Variants in MAMDC2 observed in about 807,000 individuals in gnomAD.
The protein encoded by MAMDC2 is MAM domain-containing protein 2.
A neutral mutation model predicts 89.8 loss-of-function variants in MAMDC2; 57 were observed. The observed-to-expected ratio is 0.63, with a 90% CI of 0.51 to 0.79. The LOEUF is 0.79. MAMDC2 is among the 30% of genes least tolerant of loss of function. The pLI, the probability that MAMDC2 is intolerant of heterozygous loss-of-function variation, is 0.00. For synonymous variants in MAMDC2, 313 were observed against 293.4 expected (o/e 1.07, Z -0.68); for missense variants, 800 against 820.6 (o/e 0.97, Z 0.31).
chr9:70,217,400 A>G (rs1288988562), intron 11 of MAMDC2: 1 of 1,333,420 alleles, frequency 7.5e-7, no homozygotes, highest in Non-Finnish European at 1.1e-6. Context: ...GAAATTCAAA[A>G]GAAAAGAACC....
chr9:70,073,911 G>A (rs771936875), intron 2 of MAMDC2, among the ~76,000 whole-genome samples: 10 of 152,184 alleles, frequency 6.6e-5, no homozygotes, highest in Non-Finnish European at 1.5e-4. Context: ...AACTCTGTCT[G>A]CAGCTGTTCA....
intron 11 of MAMDC2, among the ~76,000 whole-genome samples, chr9:70,186,564 C>G (rs1477406438): frequency 6.6e-6 from 1 of 152,102 alleles, no homozygotes; most frequent in Non-Finnish European, 1.5e-5. Flanking sequence ...TTTGAAAGTA[C>G]TATTTTCCTC....
chr9:70,174,230 G>A (rs888251492), intron 11 of MAMDC2, among the ~76,000 whole-genome samples: 22 of 152,160 alleles, frequency 1.4e-4, no homozygotes, highest in African/African-American at 5.3e-4. Context: ...TGTCTACTAT[G>A]TGCCAGGTAC....
chr9:70,176,692 A>G (rs1033398761), intron 11 of MAMDC2, among the ~76,000 whole-genome samples: 2 of 152,148 alleles, frequency 1.3e-5, no homozygotes, highest in Non-Finnish European at 2.9e-5. Flanking sequence ...CTCTTTTACC[A>G]CTTATATCTT....
chr9:70,174,851 G>A (rs1490269425), intron 11 of MAMDC2, among the ~76,000 whole-genome samples: 1 of 151,328 alleles, frequency 6.6e-6, no homozygotes, highest in South Asian at 2.1e-4. Flanking sequence ...TCAGGCTCCC[G>A]ACTAGCTGGG....
At chr9:70,139,328 G>A (rs2031117449) in intron 7 of MAMDC2, among the ~76,000 whole-genome samples, 1 of 130,482 alleles carries the variant, frequency 7.7e-6, no homozygotes, top group Admixed American at 9.1e-5. Flanking sequence ...GTGTCCATGT[G>A]TTCTCATTGT....
At chr9:70,152,770 G>C (rs561408482) in intron 9 of MAMDC2, among the ~76,000 whole-genome samples, 1 of 152,236 alleles carries the variant, frequency 6.6e-6, no homozygotes, top group East Asian at 1.9e-4. Flanking sequence ...TAACCTTCCT[G>C]AGCCTTCCTT....
intron 6 of MAMDC2, among the ~76,000 whole-genome samples, chr9:70,130,349 C>CACCA (rs1294791891): frequency 1.3e-5 from 2 of 152,126 alleles, no homozygotes; most frequent in African/African-American, 4.8e-5. Context: ...CAAGAGGCTG[C>CACCA]ACCATACCAA....
intron 11 of MAMDC2, among the ~76,000 whole-genome samples, chr9:70,208,498 T>C (rs2033278217): frequency 6.6e-6 from 1 of 152,232 alleles, no homozygotes. Flanking sequence ...CCTGAGACTT[T>C]GCTGAAGTTG....
In MAMDC2 at chr9:70,057,256, C is replaced by A. The variant is rs556342985; in HGVS notation, c.148+12559C>A. On this transcript the variant is annotated intron_variant, in intron 2 of 13. Transcript: ENST00000377182. ...AATCAATCCCAGGTTTTTACACCAT[C>A]CCCTATTAAAGAACATATCAATAAT... Among the ~76,000 whole-genome samples, 8 of 152,256 alleles carry A rather than the reference C, an allele frequency of 5.3e-5. No homozygotes were observed. In the South Asian group the frequency reaches 1.5e-3, roughly 28 times the overall value.
chr9:70,088,658 G>T (rs550734891), intron 2 of MAMDC2: 1 of 150,590 alleles, frequency 6.6e-6, no homozygotes, highest in East Asian at 1.9e-4. Flanking sequence ...AAACATACTA[G>T]ATTCACCAGT....
intron 7 of MAMDC2, among the ~76,000 whole-genome samples, chr9:70,139,905 T>C (rs2031149636): frequency 6.6e-6 from 1 of 152,210 alleles, no homozygotes; most frequent in Non-Finnish European, 1.5e-5. Context: ...ATTTTTATAA[T>C]GTGAACAGTG....
intron 9 of MAMDC2, among the ~76,000 whole-genome samples, chr9:70,162,322 C>T (rs562242680): frequency 1.3e-5 from 2 of 152,232 alleles, no homozygotes; most frequent in Admixed American, 6.5e-5. Context: ...TTTATTTCCT[C>T]CATTTCCTGG....
At chr9:70,066,895 TAATG>T (rs1827279057) in intron 2 of MAMDC2, among the ~76,000 whole-genome samples, 1 of 152,196 alleles carries the variant, frequency 6.6e-6, no homozygotes, top group Admixed American at 6.5e-5. Context: ...ATTAATAAAT[TAATG>T]AATTAAGTTC....
chr9:70,109,851 A>G (rs760909901), intron 4 of MAMDC2, 47 bp downstream of exon 4: 2 of 1,507,248 alleles, frequency 1.3e-6, no homozygotes, highest in South Asian at 2.3e-5. Context: ...ATCTTTTTCT[A>G]AAAGTTACTG....
At position 70,214,136 on chromosome 9, in the gene MAMDC2, C is replaced by T. The variant is rs544283273; in HGVS notation, c.1652-4201C>T. ...ATTCTAAAGGAAAGAGACAGGCAAA[C>T]ATAAAAATAAGAAAATTATACAGTA... On this transcript the variant is annotated intron_variant, in intron 11 of 13. Transcript: ENST00000377182. 2.0e-5 allele frequency among the ~76,000 whole-genome samples: 3 copies of T among 152,114 alleles called. No individual in the cohort carries two copies. The East Asian group carries it at 5.8e-4, about 29-fold the overall frequency.
At chr9:70,188,173 A>G (rs192254238) in intron 11 of MAMDC2, among the ~76,000 whole-genome samples, 7 of 152,238 alleles carry the variant, frequency 4.6e-5, no homozygotes, top group Non-Finnish European at 8.8e-5. Context: ...TCATTTTCCA[A>G]TCTTTCAGTT....
intron 11 of MAMDC2, among the ~76,000 whole-genome samples, chr9:70,204,801 T>G (rs931322828): frequency 3.4e-4 from 52 of 152,178 alleles, no homozygotes. Context: ...AATATTCGGG[T>G]GGGAGTGACC....
intron 9 of MAMDC2, among the ~76,000 whole-genome samples, chr9:70,152,908 A>G (rs2031629352): frequency 6.6e-6 from 1 of 152,214 alleles, no homozygotes; most frequent in South Asian, 2.1e-4. Flanking sequence ...ACCCACACAT[A>G]TCATTTATTA....
Sources: gnomAD v4.1 joint callset for allele counts (sites outside exome capture counted in the v4.1 genomes callset) on GRCh38, gnomAD v4.1.1 for gene constraint, MANE v1.5 for transcripts, NCBI Gene and HGNC (gene_info 2026-07-23, HGNC 2026-07-21) for gene names.